TBC1D4: variants seen among roughly 807,000 people sequenced by gnomAD.
TBC1D4 encodes TBC (Tre-2, BUB2, CDC16) domain-containing protein.
A neutral mutation model predicts 142.5 loss-of-function variants in TBC1D4; 121 were observed. That is an observed-to-expected ratio of 0.85 (90% CI 0.73 to 0.99). TBC1D4 has a LOEUF of 0.99. TBC1D4 is among the 50% of genes least tolerant of loss of function. The pLI is 0.00. For synonymous variants in TBC1D4, 630 were observed against 628.2 expected (o/e 1.00, Z -0.04); for missense variants, 1,475 against 1,606.6 (o/e 0.92, Z 1.40).
At chr13:75,373,942 C>A (rs183926111) in intron 1 of TBC1D4, among the ~76,000 whole-genome samples, 7 of 152,280 alleles carry the variant, frequency 4.6e-5, no homozygotes, top group Non-Finnish European at 8.8e-5. Flanking sequence ...ACAAAACTTT[C>A]TTTTCATCTT....
At chr13:75,341,016 G>A (rs1880644794) in intron 7 of TBC1D4, 109 bp downstream of exon 7, 1 of 944,494 alleles carries the variant, frequency 1.1e-6, no homozygotes, top group Non-Finnish European at 1.7e-6. Flanking sequence ...GGTAGTTCAG[G>A]AAACTCTGAT....
intron 12 of TBC1D4, among the ~76,000 whole-genome samples, chr13:75,313,413 A>G (rs144017459): frequency 2.6e-3 from 396 of 152,370 alleles, no homozygotes; most frequent in African/African-American, 8.7e-3. Context: ...TAACCTGAAT[A>G]TAAGCAGAAC....
At chr13:75,384,726 GA>G (rs920184831) in intron 1 of TBC1D4, among the ~76,000 whole-genome samples, 10 of 151,398 alleles carry the variant, frequency 6.6e-5, no homozygotes, top group African/African-American at 2.4e-4. Flanking sequence ...GGCTGATTCA[GA>G]AAAAAAAGAA....
chr13:75,404,063 T>TACACACACACACACACAC (rs1345766063), intron 1 of TBC1D4, among the ~76,000 whole-genome samples: 2,467 of 149,038 alleles, frequency 0.017, 67 homozygotes, highest in African/African-American at 0.055. Context: ...TATATATACA[T>TACACACACACACACACAC]ACACACACAC....
At chr13:75,330,790 T>C (rs1192320525) in intron 8 of TBC1D4, among the ~76,000 whole-genome samples, 2 of 152,122 alleles carry the variant, frequency 1.3e-5, no homozygotes, top group African/African-American at 4.8e-5. Context: ...TTCAGTTCTA[T>C]GTTATAATTG....
At chr13:75,427,866 A>T (rs1009297866) in intron 1 of TBC1D4, among the ~76,000 whole-genome samples, 5 of 152,358 alleles carry the variant, frequency 3.3e-5, no homozygotes, top group Admixed American at 3.3e-4. Context: ...ACAAAGAGAA[A>T]ATGCTAAATT....
At chr13:75,383,813 T>C (rs979108506) in intron 1 of TBC1D4, among the ~76,000 whole-genome samples, 5 of 152,174 alleles carry the variant, frequency 3.3e-5, no homozygotes, top group African/African-American at 9.7e-5. Context: ...GGCTACTGTA[T>C]ATAACTGGTC....
rs571103637 is a variant in TBC1D4 at position 75,292,405 on chromosome 13, C to CT, written c.3317-135dup. 568 of 693,946 alleles carry CT rather than the reference C, an allele frequency of 8.2e-4. 2 individuals are homozygous for CT. The African/African-American group carries it at 8.4e-3, about 10-fold the overall frequency. 43.0% of individuals were successfully genotyped at this position (693,946 alleles called of 1,614,324 possible). On this transcript the variant is annotated intron_variant, in intron 18 of 20. Coordinates refer to ENST00000377636, the MANE Select transcript of TBC1D4 (RefSeq NM_014832.5). ...AAGAAAACTGGTCAAAAGCATCTAG[C>CT]TTTTTTTTAAAAAAGCAATATAACT...
intron 1 of TBC1D4, among the ~76,000 whole-genome samples, chr13:75,480,449 C>T (rs1420208688): frequency 6.6e-6 from 1 of 152,124 alleles, no homozygotes; most frequent in East Asian, 1.9e-4. Context: ...AAGTTCTCCT[C>T]TCCCTGTTCC....
chr13:75,394,817 T>G (rs1884697938), intron 1 of TBC1D4, among the ~76,000 whole-genome samples: 2 of 152,330 alleles, frequency 1.3e-5, no homozygotes, highest in African/African-American at 2.4e-5. Flanking sequence ...AGGAATATTG[T>G]GTAGATTTAA....
chr13:75,326,068 T>C (rs1162376307), intron 10 of TBC1D4, 129 bp downstream of exon 10: 2 of 1,052,898 alleles, frequency 1.9e-6, no homozygotes, highest in Admixed American at 4.0e-5. Context: ...TAACTTAATT[T>C]GTTTTTATGG....
At chr13:75,329,091 T>C (rs1879521801) in intron 8 of TBC1D4, among the ~76,000 whole-genome samples, 1 of 152,138 alleles carries the variant, frequency 6.6e-6, no homozygotes, top group Non-Finnish European at 1.5e-5. Flanking sequence ...TACCTCATTA[T>C]ATACCCAGTT....
At chr13:75,313,674 G>A (rs950684969) in intron 12 of TBC1D4, among the ~76,000 whole-genome samples, 1 of 151,888 alleles carries the variant, frequency 6.6e-6, no homozygotes, top group African/African-American at 2.4e-5. Context: ...GGTGCACACC[G>A]CCACACCTGG....
intron 11 of TBC1D4, among the ~76,000 whole-genome samples, chr13:75,321,149 AG>A (rs1878739281): frequency 6.6e-6 from 1 of 152,144 alleles, no homozygotes; most frequent in Non-Finnish European, 1.5e-5. Flanking sequence ...TAAGATATTA[AG>A]TATTCAACTG....
At chr13:75,340,547 T>C (rs1214734363) in intron 7 of TBC1D4, among the ~76,000 whole-genome samples, 2 of 152,220 alleles carry the variant, frequency 1.3e-5, no homozygotes, top group Non-Finnish European at 2.9e-5. Context: ...TCATTCTAAA[T>C]CACGAACATG....
chr13:75,338,854 A>T (rs1171853767), intron 7 of TBC1D4, among the ~76,000 whole-genome samples: 1 of 151,982 alleles, frequency 6.6e-6, no homozygotes, highest in Non-Finnish European at 1.5e-5. Flanking sequence ...TGTTTCATCA[A>T]ATTTCCCCAC....
rs762794443 is a variant in TBC1D4, at chr13:75,302,386, C to T, written c.2768G>A (p.Arg923Gln). Residue 923 changes from arginine to glutamine, a missense_variant, in exon 16 of 21, where the codon CGA (arginine) becomes CAA (glutamine). Arg to Gln is a conservative substitution (Grantham distance 43, BLOSUM62 1). Around this residue, in one of 2 missense-constraint regions of TBC1D4, gnomAD observed 1,227 missense variants for 1,267.7 expected, o/e 0.97. Transcript: ENST00000377636. ...CAGAAACTGCCAAATTTCTCCTCGT[C>T]GACTTTTGGGAACTCCTACAATGAA... is the stretch of plus-strand genomic sequence containing the variant. ...TLLKEGVPKSRRGEIWQFLAL... is the reference protein window; with the variant it reads ...TLLKEGVPKSQRGEIWQFLAL... 5.0e-6 allele frequency: 8 copies of T among 1,613,944 alleles called. No individual in the cohort carries two copies. In the African/African-American group the frequency reaches 5.3e-5, roughly 11 times the overall value.
intron 12 of TBC1D4, among the ~76,000 whole-genome samples, chr13:75,316,160 C>T (rs1385898007): frequency 6.6e-6 from 1 of 152,062 alleles, no homozygotes; most frequent in East Asian, 1.9e-4. Context: ...AATCACCTTC[C>T]AATTCACTGC....
rs1888908342 is a variant in TBC1D4 at position 75,481,898 on chromosome 13, A to ACC, written c.-133_-132dup. ...CCCGCGCCTGCCTGGGAGCGGCGCG[A>ACC]CCCCGAACTCCGCGCTTCAGCAGCC... is the stretch of plus-strand genomic sequence containing the variant. On this transcript the variant is annotated 5_prime_UTR_variant, in exon 1 of 21. Coordinates refer to ENST00000377636, the MANE Select transcript of TBC1D4 (RefSeq NM_014832.5). 1.5e-6 allele frequency: 2 copies of ACC among 1,290,458 alleles called. No homozygotes were observed. The highest frequency in any genetic ancestry group is 2.0e-6 in the Non-Finnish European group (2 of 1,002,206). The allele number at this position is 1,290,458 out of a possible 1,614,324, so 79.9% of individuals were successfully genotyped here. A position where few individuals can be genotyped will look rare whatever the true frequency, so the allele number is the denominator to read the frequency against.
Sources: gnomAD v4.1 joint callset for allele counts (sites outside exome capture counted in the v4.1 genomes callset) on GRCh38, gnomAD v4.1.1 for gene constraint, gnomAD v4.1.1 regional missense constraint, MANE v1.5 for transcripts, NCBI Gene and HGNC (gene_info 2026-07-23, HGNC 2026-07-21) for gene names.